NELL1: variants seen among roughly 807,000 people sequenced by gnomAD.
NELL1 encodes the protein neural EGFL like 1.
In NELL1, 76 loss-of-function variants were observed where a neutral mutation model predicts 107.4. That is an observed-to-expected ratio of 0.71 (90% confidence interval 0.59 to 0.86). The LOEUF is 0.86. Ranked by LOEUF, NELL1 falls within the 40% of genes least tolerant of loss-of-function variation. NELL1 has a pLI of 0.00. For synonymous variants in NELL1, 353 were observed against 341.2 expected, an observed-to-expected ratio of 1.03 and a Z score of -0.38; for missense variants, 1,024 against 1,005.5, an observed-to-expected ratio of 1.02 and a Z score of -0.25.
At chr11:21,020,403 G>T (rs1852669931) in intron 12 of NELL1, among the ~76,000 whole-genome samples, 1 of 152,094 alleles carries the variant, frequency 6.6e-6, no homozygotes, top group African/African-American at 2.4e-5. Context: ...TTACTATATA[G>T]TCCAACGAGT....
intron 14 of NELL1, chr11:21,284,261 A>G: frequency 2.2e-6 from 1 of 457,074 alleles, no homozygotes; most frequent in Non-Finnish European, 4.4e-6. Flanking sequence ...GACCTGGCAC[A>G]AAGATGTAGA....
chr11:20,715,724 C>A (rs1205848016), intron 2 of NELL1, among the ~76,000 whole-genome samples: 2 of 152,166 alleles, frequency 1.3e-5, no homozygotes, highest in African/African-American at 4.8e-5. Context: ...TTTTGATGAT[C>A]CTTTCACTCA....
intron 2 of NELL1, among the ~76,000 whole-genome samples, chr11:20,701,769 C>T (rs1457763693): frequency 1.3e-5 from 2 of 152,078 alleles, no homozygotes; most frequent in African/African-American, 4.8e-5. Context: ...ATGGGGAATC[C>T]TTTCCCCATT....
chr11:20,858,500 C>A lies in NELL1; in HGVS notation c.506+10747C>A, dbSNP rs549872301. On this transcript the variant is annotated intron_variant, in intron 4 of 19. Coordinates refer to ENST00000357134, the MANE Select transcript of NELL1 (RefSeq NM_006157.5). ...AAGGTTTAACCTTTTGGTAAATCACCTAAGAGTTACAGAATTAGCTAGTTA... is the reference window on the plus strand; with the variant it reads ...AAGGTTTAACCTTTTGGTAAATCACATAAGAGTTACAGAATTAGCTAGTTA... Among the ~76,000 whole-genome samples the A allele has an allele frequency of 3.9e-5, 6 of 152,284 alleles. No individual in the cohort carries two copies. In the South Asian group the frequency reaches 1.2e-3, roughly 32 times the overall value.
chr11:20,882,174 T>A (rs1849421420), intron 4 of NELL1, among the ~76,000 whole-genome samples: 1 of 152,226 alleles, frequency 6.6e-6, no homozygotes, highest in Non-Finnish European at 1.5e-5. Flanking sequence ...TAGCTCCCCT[T>A]CTATAGGGGT....
chr11:20,872,709 T>C (rs1171166629), intron 4 of NELL1, among the ~76,000 whole-genome samples: 1 of 151,510 alleles, frequency 6.6e-6, no homozygotes, highest in African/African-American at 2.4e-5. Flanking sequence ...TGTGTGTGTG[T>C]GTGTAGTCTA....
intron 15 of NELL1, among the ~76,000 whole-genome samples, chr11:21,512,846 A>G (rs1456257817): frequency 6.6e-6 from 1 of 152,192 alleles, no homozygotes; most frequent in Non-Finnish European, 1.5e-5. Flanking sequence ...ATATAAACCA[A>G]CGAAGCCTGT....
At chr11:21,300,361 A>G (rs1001309620) in intron 14 of NELL1, among the ~76,000 whole-genome samples, 2 of 151,970 alleles carry the variant, frequency 1.3e-5, no homozygotes, top group Non-Finnish European at 2.9e-5. Context: ...ATGAAAAAGG[A>G]AGGTAGGGAC....
At chr11:21,537,764 C>G (rs1347371273) in intron 16 of NELL1, among the ~76,000 whole-genome samples, 1 of 152,030 alleles carries the variant, frequency 6.6e-6, no homozygotes, top group Non-Finnish European at 1.5e-5. Context: ...CATGGATGTT[C>G]AAAACTGTAT....
intron 3 of NELL1, among the ~76,000 whole-genome samples, chr11:20,786,975 T>C (rs557304779): frequency 1.9e-3 from 220 of 112,948 alleles, no homozygotes; most frequent in South Asian, 4.3e-3. Flanking sequence ...GCCACTGCAC[T>C]CCAGCCTAGG....
chr11:21,429,849 C>G (rs1852923472), intron 15 of NELL1, among the ~76,000 whole-genome samples: 1 of 152,074 alleles, frequency 6.6e-6, no homozygotes, highest in African/African-American at 2.4e-5. Flanking sequence ...ACACTAAAAC[C>G]TCAGAGGGAC....
intron 13 of NELL1, among the ~76,000 whole-genome samples, chr11:21,130,031 A>T (rs1855579221): frequency 6.6e-6 from 1 of 152,350 alleles, no homozygotes; most frequent in East Asian, 1.9e-4. Context: ...TAATTTCTTT[A>T]CTACCATAGG....
intron 11 of NELL1, among the ~76,000 whole-genome samples, chr11:20,956,946 G>GA (rs1851187366): frequency 6.6e-6 from 1 of 152,076 alleles, no homozygotes; most frequent in South Asian, 2.1e-4. Flanking sequence ...GCCTAATATA[G>GA]AAACAACTTT....
At chr11:21,203,791 G>A (rs1857326247) in intron 13 of NELL1, among the ~76,000 whole-genome samples, 1 of 152,114 alleles carries the variant, frequency 6.6e-6, no homozygotes, top group Non-Finnish European at 1.5e-5. Flanking sequence ...AGGAACTCTT[G>A]TAAGGCCGGT....
intron 14 of NELL1, among the ~76,000 whole-genome samples, chr11:21,249,504 T>C (rs982923078): frequency 2.0e-5 from 3 of 152,026 alleles, no homozygotes; most frequent in African/African-American, 7.2e-5. Context: ...TAGGAACACA[T>C]TTAGATGCCT....
intron 12 of NELL1, among the ~76,000 whole-genome samples, chr11:21,028,453 C>T (rs189977427): frequency 3.9e-4 from 59 of 152,244 alleles, no homozygotes; most frequent in Non-Finnish European, 5.6e-4. Flanking sequence ...ATGCTGAAGA[C>T]CTAAATTGGC....
At chr11:21,388,296 C>A (rs1851792589) in intron 15 of NELL1, among the ~76,000 whole-genome samples, 1 of 151,648 alleles carries the variant, frequency 6.6e-6, no homozygotes. Context: ...CACCATGTGA[C>A]CTTGATCAAG....
chr11:21,144,140 G>T (rs1855924478), intron 13 of NELL1, among the ~76,000 whole-genome samples: 1 of 152,156 alleles, frequency 6.6e-6, no homozygotes, highest in Admixed American at 6.5e-5. Context: ...TGGGGAGAAG[G>T]TGTTAGTTTA....
chr11:21,056,430 C>A (rs1853617212), intron 12 of NELL1, among the ~76,000 whole-genome samples: 2 of 152,108 alleles, frequency 1.3e-5, no homozygotes, highest in East Asian at 3.9e-4. Context: ...CCCTGTTTTA[C>A]TCTTCATCTA....
Sources: gnomAD v4.1 joint callset for allele counts (sites outside exome capture counted in the v4.1 genomes callset) on GRCh38, gnomAD v4.1.1 for gene constraint, MANE v1.5 for transcripts, NCBI Gene and HGNC (gene_info 2026-07-23, HGNC 2026-07-21) for gene names.